The following FGF14 variants were observed in gnomAD, a reference collection of about 807,000 sequenced individuals.
FGF14 encodes the protein fibroblast growth factor 14.
In FGF14, 5 loss-of-function variants were observed where a neutral mutation model predicts 25.5. The observed-to-expected ratio is 0.20, with a 90% CI of 0.10 to 0.41. FGF14 has a LOEUF of 0.41. FGF14 is among the 10% of genes least tolerant of loss of function. The pLI is 1.00. For synonymous variants in FGF14, 138 were observed against 118.3 expected (o/e 1.17, Z -1.08); for missense variants, 222 against 320.1 (o/e 0.69, Z 2.34).
intron 1 of FGF14, among the ~76,000 whole-genome samples, chr13:102,260,108 G>A (rs1303299111): frequency 6.6e-6 from 1 of 152,044 alleles, no homozygotes; most frequent in Non-Finnish European, 1.5e-5. Context: ...AAAAAGAGAA[G>A]GGGGAGGAAG....
At chr13:102,061,433 G>A (rs482960) in intron 1 of FGF14, among the ~76,000 whole-genome samples, 19,149 of 152,204 alleles carry the variant, frequency 0.13, 1,494 homozygotes, top group Non-Finnish European at 0.17. Flanking sequence ...ACGAGCCACA[G>A]CCCCATGGCA....
intron 1 of FGF14, among the ~76,000 whole-genome samples, chr13:102,185,386 A>G (rs913401717): frequency 1.3e-5 from 2 of 152,186 alleles, no homozygotes; most frequent in African/African-American, 4.8e-5. Flanking sequence ...GTGGAAAGAG[A>G]AATTAAGAGA....
At chr13:102,033,347 A>G (rs563766407) in intron 1 of FGF14, among the ~76,000 whole-genome samples, 158 of 152,276 alleles carry the variant, frequency 1.0e-3, no homozygotes, top group African/African-American at 3.6e-3. Flanking sequence ...AATCATCATG[A>G]GAAGTGGTGG....
chr13:102,344,812 G>C (rs1400786213), intron 1 of FGF14, among the ~76,000 whole-genome samples: 50 of 152,212 alleles, frequency 3.3e-4, no homozygotes, highest in Admixed American at 3.2e-3. Context: ...AAGGTGCAAA[G>C]AGCATTTTAT....
chr13:102,154,993 G>A (rs544842981), intron 1 of FGF14, among the ~76,000 whole-genome samples: 1 of 152,120 alleles, frequency 6.6e-6, no homozygotes, highest in Non-Finnish European at 1.5e-5. Context: ...CCAAATACAG[G>A]AGCATACAGA....
intron 1 of FGF14, among the ~76,000 whole-genome samples, chr13:102,012,080 A>G (rs1352392511): frequency 6.6e-6 from 1 of 152,134 alleles, no homozygotes; most frequent in East Asian, 1.9e-4. Flanking sequence ...GTCTTTTATC[A>G]TGCTGCCACT....
chr13:101,809,208 C>T (rs959336308), intron 3 of FGF14, among the ~76,000 whole-genome samples: 1 of 152,182 alleles, frequency 6.6e-6, no homozygotes, highest in African/African-American at 2.4e-5. Flanking sequence ...AGTTGATAAA[C>T]ATGTACATAC....
intron 1 of FGF14, among the ~76,000 whole-genome samples, chr13:101,924,137 A>C (rs1204067653): frequency 6.6e-6 from 1 of 152,114 alleles, no homozygotes; most frequent in Non-Finnish European, 1.5e-5. Flanking sequence ...CAGAAAAAAA[A>C]TTACTCAATT....
intron 1 of FGF14, among the ~76,000 whole-genome samples, chr13:102,095,670 C>A (rs1226688340): frequency 6.6e-6 from 1 of 152,058 alleles, no homozygotes; most frequent in Non-Finnish European, 1.5e-5. Context: ...GTGAAGACAC[C>A]AGGATGAAGA....
At chr13:101,796,287 T>C (rs2040516776) in intron 3 of FGF14, among the ~76,000 whole-genome samples, 2 of 152,032 alleles carry the variant, frequency 1.3e-5, no homozygotes, top group African/African-American at 4.8e-5. Context: ...ACGCCTTCGA[T>C]AAAACACCTT....
intron 1 of FGF14, among the ~76,000 whole-genome samples, chr13:101,952,286 A>G (rs1184283252): frequency 2.0e-5 from 3 of 152,100 alleles, no homozygotes; most frequent in Admixed American, 6.6e-5. Flanking sequence ...TTTACCATAC[A>G]CTATGATCAT....
At chr13:101,977,012 T>C (rs1740790610) in intron 1 of FGF14, among the ~76,000 whole-genome samples, 1 of 152,218 alleles carries the variant, frequency 6.6e-6, no homozygotes, top group Non-Finnish European at 1.5e-5. Flanking sequence ...AATAACGTTA[T>C]AAACTTTCCT....
In FGF14 at chr13:101,720,526, T is replaced by TGC. The variant is rs1296198015; in HGVS notation, c.*2303_*2304dup. On this transcript the variant is annotated 3_prime_UTR_variant, in exon 5 of 5. Coordinates refer to ENST00000376143, the MANE Select transcript of FGF14 (RefSeq NM_004115.4). ...TCAGTAACAAATAGATGGGGGTGTT[T>TGC]GCTCTGTGTGTGTGTGTGTGTGTGT... 1 of 122,612 alleles carries TGC rather than the reference T, an allele frequency of 8.2e-6. No individual in the cohort carries two copies. The highest frequency in any genetic ancestry group is 1.6e-5 in the Non-Finnish European group (1 of 60,716). The allele number at this position is 122,612 out of a possible 1,614,324, so 7.6% of individuals were successfully genotyped here.
At chr13:101,800,964 C>G (rs1214700908) in intron 3 of FGF14, among the ~76,000 whole-genome samples, 1 of 152,178 alleles carries the variant, frequency 6.6e-6, no homozygotes, top group African/African-American at 2.4e-5. Flanking sequence ...GACTGTTAAA[C>G]TGTTTTAGAA....
chr13:101,919,377 C>CCCAA (rs1213523128), upstream of FGF14, among the ~76,000 whole-genome samples: 1 of 150,840 alleles, frequency 6.6e-6, no homozygotes, highest in Non-Finnish European at 1.5e-5. Flanking sequence ...GTATGACTTC[C>CCCAA]CCAACACACC....
chr13:101,714,987 G>C lies in FGF14; in HGVS notation c.*7844C>G, dbSNP rs367859295. 154 of 174,436 alleles carry C rather than the reference G, an allele frequency of 8.8e-4. 4 individuals carry two copies. The South Asian group carries it at 0.013, about 15-fold the overall frequency. 10.8% of individuals were successfully genotyped at this position (174,436 alleles called of 1,614,324 possible). On this transcript the variant is annotated 3_prime_UTR_variant, in exon 5 of 5. Coordinates refer to ENST00000376143, the MANE Select transcript of FGF14 (RefSeq NM_004115.4). Reference sequence around the variant, plus strand: ...TGTGTGTATGGGGGAGAGGTATAAAGAGGGCTCAGCCGTGTCATAGCCACT... The same window carrying C: ...TGTGTGTATGGGGGAGAGGTATAAACAGGGCTCAGCCGTGTCATAGCCACT...
At chr13:102,020,920 G>C (rs1422240408) in intron 1 of FGF14, among the ~76,000 whole-genome samples, 1 of 123,598 alleles carries the variant, frequency 8.1e-6, no homozygotes, top group South Asian at 2.3e-4. Flanking sequence ...TGAACACAGA[G>C]ATAAAAAAAA....
At chr13:102,127,995 C>A (rs1405241392) in intron 1 of FGF14, among the ~76,000 whole-genome samples, 1 of 152,134 alleles carries the variant, frequency 6.6e-6, no homozygotes, top group Non-Finnish European at 1.5e-5. Flanking sequence ...AAGCACCTGC[C>A]CCTTCCAGGA....
At chr13:101,887,349 C>T (rs4772425) in intron 1 of FGF14, among the ~76,000 whole-genome samples, 3,078 of 145,868 alleles carry the variant, frequency 0.021, 110 homozygotes, top group African/African-American at 0.071. Context: ...TATATATACA[C>T]ACACACACAC....
Sources: gnomAD v4.1 joint callset for allele counts (sites outside exome capture counted in the v4.1 genomes callset) on GRCh38, gnomAD v4.1.1 for gene constraint, MANE v1.5 for transcripts, NCBI Gene and HGNC (gene_info 2026-07-23, HGNC 2026-07-21) for gene names.